FRMPD2: variants seen among roughly 807,000 people sequenced by gnomAD.
FRMPD2 encodes FERM and PDZ domain-containing protein 2.
FRMPD2 carries 96 observed loss-of-function variants against 140.1 expected under a neutral mutation model. The observed-to-expected ratio is 0.69, with a 90% confidence interval of 0.58 to 0.81. FRMPD2 has a LOEUF of 0.81. Ranked by LOEUF, FRMPD2 falls within the 40% of genes least tolerant of loss-of-function variation. FRMPD2 has a pLI of 0.00. For missense variants in FRMPD2, 1,240 were observed against 1,447.4 expected, an observed-to-expected ratio of 0.86 and a Z score of 2.32; for synonymous variants, 449 against 547.6, an observed-to-expected ratio of 0.82 and a Z score of 2.52.
At chr10:48,202,664 T>A (rs552211351) in intron 14 of FRMPD2, among the ~76,000 whole-genome samples, 42 of 152,372 alleles carry the variant, frequency 2.8e-4, no homozygotes, top group African/African-American at 9.4e-4. Context: ...ACTCAACTGA[T>A]CATTTCATCC....
intron 13 of FRMPD2, among the ~76,000 whole-genome samples, chr10:48,207,936 A>T (rs1003139533): frequency 1.3e-5 from 2 of 152,184 alleles, no homozygotes; most frequent in Admixed American, 1.3e-4. Context: ...AAGTCCATGC[A>T]GACAGCTATG....
intron 3 of FRMPD2, among the ~76,000 whole-genome samples, chr10:48,245,317 A>C (rs1346198386): frequency 6.6e-6 from 1 of 152,230 alleles, no homozygotes; most frequent in Non-Finnish European, 1.5e-5. Context: ...GCTGCTGACC[A>C]ATCCCTAGAC....
intron 1 of FRMPD2, among the ~76,000 whole-genome samples, chr10:48,268,542 T>C (rs1482701630): frequency 1.3e-5 from 2 of 152,204 alleles, no homozygotes; most frequent in Admixed American, 6.5e-5. Flanking sequence ...CAAATTGTGG[T>C]ATATTCATAC....
At chr10:48,212,195 C>T (rs1181310577) in intron 12 of FRMPD2, 86 bp from the exon 13 acceptor site, 2 of 1,368,458 alleles carry the variant, frequency 1.5e-6, no homozygotes, top group Admixed American at 1.9e-5. Context: ...TCTGTAGTCA[C>T]AATTCCAGGA....
chr10:48,211,827 T>C lies in FRMPD2; in HGVS notation c.1611+127A>G, dbSNP rs77730269. ...CCTTGCCCCTCCCTGCCTCCTAGAG[T>C]TCCACCCTTGCTCATGCCTCCTTGT... On this transcript the variant is annotated intron_variant, in intron 13 of 28. Coordinates refer to ENST00000374201, the MANE Select transcript of FRMPD2 (RefSeq NM_001018071.4). The C allele has an allele frequency of 4.4e-4, 353 of 793,700 alleles. 1 individual carries two copies. The African/African-American group carries it at 5.7e-3, about 13-fold the overall frequency. 49.2% of individuals were successfully genotyped at this position (793,700 alleles called of 1,614,324 possible).
At chr10:48,235,856 T>C (rs1839955109) in intron 9 of FRMPD2, among the ~76,000 whole-genome samples, 1 of 152,072 alleles carries the variant, frequency 6.6e-6, no homozygotes, top group African/African-American at 2.4e-5. Flanking sequence ...GCAGGGGACG[T>C]GCTCAGGCTC....
intron 3 of FRMPD2, 50 bp from the exon 4 acceptor site, chr10:48,244,899 C>T (rs753568917): frequency 6.0e-6 from 8 of 1,332,640 alleles, no homozygotes; most frequent in Middle Eastern, 1.8e-4. Context: ...TCTGTTATTC[C>T]ATGGCTCTGC....
intron 13 of FRMPD2, among the ~76,000 whole-genome samples, chr10:48,208,552 G>C (rs899539995): frequency 2.0e-5 from 3 of 152,180 alleles, no homozygotes; most frequent in Admixed American, 1.3e-4. Flanking sequence ...AGATGAGCCT[G>C]TTTGCTCCTG....
chr10:48,187,948 A>C (rs1838728788), intron 16 of FRMPD2, among the ~76,000 whole-genome samples: 1 of 152,244 alleles, frequency 6.6e-6, no homozygotes, highest in Non-Finnish European at 1.5e-5. Flanking sequence ...AGCCTAGCAG[A>C]ATAATGAGTC....
At chr10:48,222,565 A>C in intron 11 of FRMPD2, 114 bp from the exon 12 acceptor site, 1 of 1,091,152 alleles carries the variant, frequency 9.2e-7, no homozygotes, top group Non-Finnish European at 1.3e-6. Context: ...ACGAGATGCA[A>C]CTCAATAGAA....
At chr10:48,175,259 A>T (rs1838377689) in intron 23 of FRMPD2, 1 of 782,268 alleles carries the variant, frequency 1.3e-6, no homozygotes, top group Admixed American at 3.2e-5. Context: ...CCATTTTTGG[A>T]AGTATTTTCA....
At chr10:48,250,132 C>T (rs193104573) in intron 2 of FRMPD2, among the ~76,000 whole-genome samples, 8 of 152,316 alleles carry the variant, frequency 5.3e-5, no homozygotes, top group Non-Finnish European at 1.0e-4. Flanking sequence ...AGAGGTGACT[C>T]GCCCGAGCCC....
intron 16 of FRMPD2, among the ~76,000 whole-genome samples, chr10:48,189,007 T>C (rs1003240365): frequency 6.6e-6 from 1 of 152,126 alleles, no homozygotes; most frequent in African/African-American, 2.4e-5. Context: ...GGGATGGACT[T>C]TCGTGATGGT....
At chr10:48,184,531 G>A (rs559148949) in intron 20 of FRMPD2, 35 bp downstream of exon 20, 2 of 1,295,244 alleles carry the variant, frequency 1.5e-6, no homozygotes, top group African/African-American at 1.5e-5. Flanking sequence ...AAACAGGGGA[G>A]CCTCTTAAGC....
In FRMPD2 at chr10:48,211,978, C is replaced by T; in HGVS notation, c.1587G>A (p.Glu529=). 1 of 1,613,844 alleles carries T rather than the reference C, an allele frequency of 6.2e-7. No homozygotes were observed. Among genetic ancestry groups the T allele is most frequent in the Non-Finnish European group, 8.5e-7 (1 of 1,179,902 alleles). The stretch of plus-strand genomic sequence containing the variant: ...CCCTCAAGAACTTCAGCTCAGCATC[C>T]TCTCCCCACAGTGCAGAGCTGAGCC... ...MHRLSSALWG[E]DAELKFLRVT... is the part of the protein sequence containing the mutation. Residue 529 remains glutamate, a synonymous_variant, in exon 13 of 29, where the codon GAG becomes GAA. Coordinates refer to ENST00000374201, the MANE Select transcript of FRMPD2 (RefSeq NM_001018071.4).
At position 48,186,651 on chromosome 10, in the gene FRMPD2, C is replaced by T. The variant is rs1223473865; in HGVS notation, c.2266+541G>A. ...TGTGGAACTGTAAGTCCAATTAAAC[C>T]TCTTTTTCTTCCCAGTCTTGGGTAT... On this transcript the variant is annotated intron_variant, in intron 17 of 28. Transcript: ENST00000374201. Among the ~76,000 whole-genome samples the T allele has an allele frequency of 4.6e-5, 7 of 152,178 alleles. No individual in the cohort carries two copies. The East Asian group carries it at 1.3e-3, about 29-fold the overall frequency.
At chr10:48,236,424 G>T (rs957024009) in intron 9 of FRMPD2, 58 bp downstream of exon 9, 1 of 1,488,540 alleles carries the variant, frequency 6.7e-7, no homozygotes, top group Non-Finnish European at 9.4e-7. Flanking sequence ...TTGGCCTCCC[G>T]CAACTGCCCA....
chr10:48,256,814 G>A (rs1840499185), intron 1 of FRMPD2, among the ~76,000 whole-genome samples: 1 of 152,158 alleles, frequency 6.6e-6, no homozygotes, highest in Non-Finnish European at 1.5e-5. Context: ...CTCCTGGTTT[G>A]TCCTCACCTC....
At chr10:48,179,665 G>T (rs1258202990) in intron 21 of FRMPD2, among the ~76,000 whole-genome samples, 2 of 151,890 alleles carry the variant, frequency 1.3e-5, no homozygotes, top group Non-Finnish European at 2.9e-5. Context: ...GGTCCCAGCT[G>T]ATGAAGCTAA....
Sources: gnomAD v4.1 joint callset for allele counts (sites outside exome capture counted in the v4.1 genomes callset) on GRCh38, gnomAD v4.1.1 for gene constraint, MANE v1.5 for transcripts, NCBI Gene and HGNC (gene_info 2026-07-23, HGNC 2026-07-21) for gene names.